ALG9: variants seen among roughly 807,000 people sequenced by gnomAD.
The protein encoded by ALG9 is alpha-1,2-mannosyltransferase ALG9.
In ALG9, 55 loss-of-function variants were observed where a neutral mutation model predicts 81.8. That is an observed-to-expected ratio of 0.67 (90% confidence interval 0.54 to 0.84). ALG9 has a LOEUF of 0.84. Ranked by LOEUF, ALG9 falls within the 40% of genes least tolerant of loss-of-function variation. The probability of loss-of-function intolerance (pLI) is 0.00; values close to 1 mark genes in which losing one functional copy is unlikely to be tolerated. For missense variants in ALG9, 629 were observed against 745.0 expected (o/e 0.84, Z 1.81); for synonymous variants, 278 against 274.3 (o/e 1.01, Z -0.13).
intron 14 of ALG9, among the ~76,000 whole-genome samples, chr11:111,791,929 C>A (rs1048283521): frequency 2.6e-5 from 4 of 152,172 alleles, no homozygotes; most frequent in African/African-American, 4.8e-5. Flanking sequence ...CCTAAAAATA[C>A]AAAATTAGTT....
At chr11:111,803,007 A>G (rs2136334990) in intron 14 of ALG9, among the ~76,000 whole-genome samples, 2 of 152,306 alleles carry the variant, frequency 1.3e-5, no homozygotes, top group South Asian at 4.1e-4. Flanking sequence ...CCAAAATGCA[A>G]TACTTCAGTA....
At chr11:111,781,098 A>C (rs1393913239), downstream of ALG9, among the ~76,000 whole-genome samples, 1 of 152,228 alleles carries the variant, frequency 6.6e-6, no homozygotes, top group Admixed American at 6.5e-5. Context: ...AAAATAAATT[A>C]AAGTTGTGGA....
In ALG9 at chr11:111,870,382, C is replaced by CAAAAAAAAA. The variant is rs60312459; in HGVS notation, c.132-21_132-13dup. ...TGTTCCCAGATAACCTGTTCAAAAGCAAAAAAAAAAAAAAAAAAAAAAGCA... is the reference window on the plus strand; with the variant it reads ...TGTTCCCAGATAACCTGTTCAAAAGCAAAAAAAAAAAAAAAAAAAAAAAAAAAAAAAGCA... On this transcript the variant is annotated splice_polypyrimidine_tract_variant and intron_variant, in intron 1 of 14. Coordinates refer to ENST00000616540, the MANE Select transcript of ALG9 (RefSeq NM_024740.2). 4.3e-5 allele frequency: 42 copies of CAAAAAAAAA among 973,938 alleles called. No homozygotes were observed. Among genetic ancestry groups the CAAAAAAAAA allele is most frequent in the South Asian group, 1.4e-4 (6 of 42,900 alleles). The allele number at this position is 973,938 out of a possible 1,614,324, so 60.3% of individuals were successfully genotyped here.
chr11:111,787,924 T>A (rs1946722111), intron 14 of ALG9, among the ~76,000 whole-genome samples: 1 of 152,180 alleles, frequency 6.6e-6, no homozygotes, highest in Non-Finnish European at 1.5e-5. Flanking sequence ...CAAATCCAGG[T>A]TTGATTCCAG....
At chr11:111,841,060 TA>T (rs1555123335) in intron 9 of ALG9, among the ~76,000 whole-genome samples, 1 of 152,142 alleles carries the variant, frequency 6.6e-6, no homozygotes, top group East Asian at 1.9e-4. Context: ...AGGACACATA[TA>T]AATGTCAAGT....
rs1555127673 is a variant in ALG9, at chr11:111,844,859, C to G, written c.896-136G>C. On this transcript the variant is annotated intron_variant, in intron 8 of 14. Coordinates refer to ENST00000616540, the MANE Select transcript of ALG9 (RefSeq NM_024740.2). ...TGGGAATGAGAGTGCACAGCCCACT[C>G]TTCCCATGCTAAGCTACACAAAAGA... 3.2e-6 allele frequency: 3 copies of G among 932,156 alleles called. No homozygotes were observed. The African/African-American group carries it at 4.9e-5, about 15-fold the overall frequency. 57.7% of individuals were successfully genotyped at this position (932,156 alleles called of 1,614,324 possible). A position where few individuals can be genotyped will look rare whatever the true frequency, so the allele number is the denominator to read the frequency against.
intron 8 of ALG9, among the ~76,000 whole-genome samples, chr11:111,850,064 C>A (rs1380123234): frequency 6.6e-6 from 1 of 152,116 alleles, no homozygotes. Context: ...AAATACAAGT[C>A]TTTTATGTAT....
At position 111,793,322 on chromosome 11, in the gene ALG9, T is replaced by C. The variant is rs141014184; in HGVS notation, c.1734-6802A>G. 4.6e-5 allele frequency among the ~76,000 whole-genome samples: 7 copies of C among 152,338 alleles called. No homozygotes were observed. The East Asian group carries it at 1.2e-3, about 25-fold the overall frequency. ...AACCAAAAGAACAAGCTGGCTTGAA[T>C]TCTTCATTTCTAACATTCCAGCTGC... is the stretch of plus-strand genomic sequence containing the variant. On this transcript the variant is annotated intron_variant, in intron 14 of 14. Coordinates refer to ENST00000616540, the MANE Select transcript of ALG9 (RefSeq NM_024740.2).
intron 6 of ALG9, among the ~76,000 whole-genome samples, chr11:111,855,729 A>G (rs1958560459): frequency 6.6e-6 from 1 of 152,236 alleles, no homozygotes; most frequent in African/African-American, 2.4e-5. Flanking sequence ...TAACTGGACT[A>G]GACATTAAGC....
chr11:111,870,485 TAA>T lies in ALG9; in HGVS notation c.132-117_132-116del. The T allele has an allele frequency of 2.3e-6, 3 of 1,304,038 alleles. 1 individual carries two copies. The highest frequency in any genetic ancestry group is 3.2e-5 in the South Asian group (2 of 62,634). 80.8% of individuals were successfully genotyped at this position (1,304,038 alleles called of 1,614,324 possible). Reference sequence around the variant, plus strand: ...AAAGGGCAAGGGACATCAAAGCACTTAAGTTATTCACCTAAAAAGGTGAATAG... The same window carrying T: ...AAAGGGCAAGGGACATCAAAGCACTTGTTATTCACCTAAAAAGGTGAATAG... On this transcript the variant is annotated intron_variant, in intron 1 of 14. Coordinates refer to ENST00000616540, the MANE Select transcript of ALG9 (RefSeq NM_024740.2).
intron 13 of ALG9, among the ~76,000 whole-genome samples, chr11:111,826,023 A>ATG (rs1953193812): frequency 6.6e-6 from 1 of 150,530 alleles, no homozygotes; most frequent in Non-Finnish European, 1.5e-5. Flanking sequence ...CCGAGATCGC[A>ATG]CCACTGCACT....
chr11:111,868,852 G>A (rs1566295763), intron 2 of ALG9, 116 bp from the exon 3 acceptor site: 34 of 1,090,168 alleles, frequency 3.1e-5, no homozygotes, highest in South Asian at 2.5e-4. Flanking sequence ...CAGGCACGAT[G>A]CCTCACACCT....
Position 111,868,653 on chromosome 11 carries a change from C to T in ALG9, c.354G>A (p.Leu118=). 1 of 1,613,976 alleles carries T rather than the reference C, an allele frequency of 6.2e-7. No homozygotes were observed. The part of the protein sequence containing the change: ...AYAIRSYAYL[L]LHAWPAAFHA... ...GAAATGCAGCTGGCCAGGCATGAAG[C>T]AACAGGTAAGCATAGGAGCGAATGG... Residue 118 remains leucine, a synonymous_variant, in exon 3 of 15, where the codon TTG becomes TTA. Transcript: ENST00000616540.
intron 13 of ALG9, among the ~76,000 whole-genome samples, chr11:111,825,928 G>A (rs571166846): frequency 2.0e-5 from 3 of 151,838 alleles, no homozygotes; most frequent in African/African-American, 7.2e-5. Flanking sequence ...CAGGCATGGC[G>A]GCGCATGCCT....
chr11:111,860,452 CA>C (rs1328533601), intron 5 of ALG9, 94 bp downstream of exon 5: 2 of 1,025,918 alleles, frequency 1.9e-6, no homozygotes, highest in Admixed American at 1.7e-5. Flanking sequence ...CCTTTAAATG[CA>C]ACTGTGAACT....
chr11:111,796,317 T>G (rs1948276854), intron 14 of ALG9, among the ~76,000 whole-genome samples: 1 of 152,230 alleles, frequency 6.6e-6, no homozygotes, highest in African/African-American at 2.4e-5. Context: ...CTCAAGGAAC[T>G]TGGAACAAAG....
Position 111,838,319 on chromosome 11 carries a change from A to G in ALG9, c.1254T>C (p.Asn418=). The G allele has an allele frequency of 6.2e-7, 1 of 1,614,118 alleles. No individual in the cohort carries two copies. The highest frequency in any genetic ancestry group is 1.1e-5 in the South Asian group (1 of 91,080). ...GGAAGACAGTTCCTAATGCCAGCCAATTCGATGTCACAGTATAGTGCTCCA... is the reference window on the plus strand; with the variant it reads ...GGAAGACAGTTCCTAATGCCAGCCAGTTCGATGTCACAGTATAGTGCTCCA... The part of the protein sequence containing the change: ...YRLEHYTVTS[N]WLALGTVFLF... Residue 418 remains asparagine (N), a synonymous_variant, in exon 11 of 15, where the codon AAT becomes AAC. Coordinates refer to ENST00000616540, the MANE Select transcript of ALG9 (RefSeq NM_024740.2).
chr11:111,826,066 C>CAAT (rs4026118), intron 13 of ALG9, among the ~76,000 whole-genome samples: 1,934 of 132,530 alleles, frequency 0.015, 50 homozygotes, highest in African/African-American at 0.045. Flanking sequence ...AACTCCGTCT[C>CAAT]AATAATAATA....
chr11:111,807,914 G>A (rs974382760), intron 14 of ALG9, among the ~76,000 whole-genome samples: 1 of 152,100 alleles, frequency 6.6e-6, no homozygotes, highest in Admixed American at 6.6e-5. Flanking sequence ...GCAAAACCAC[G>A]TCTCTACAAA....
Sources: allele counts gnomAD v4.1 joint callset (sites outside exome capture counted in the v4.1 genomes callset), GRCh38; gene constraint gnomAD v4.1.1; transcripts MANE v1.5; gene names NCBI Gene and HGNC (gene_info 2026-07-23, HGNC 2026-07-21).